STPG2: variants seen among roughly 807,000 people sequenced by gnomAD.
STPG2 encodes sperm tail PG-rich repeat containing 2.
Under a neutral mutation model 54.2 loss-of-function variants are expected in STPG2, and 56 were observed. That is an observed-to-expected ratio of 1.03 (90% CI 0.83 to 1.29). The LOEUF is 1.29. STPG2 is among the 50% of genes most tolerant of loss of function. STPG2 has a pLI of 0.00. For synonymous variants in STPG2, 200 were observed against 181.8 expected (o/e 1.10, Z -0.81); for missense variants, 596 against 544.9 (o/e 1.09, Z -0.93).
At chr4:98,012,605 T>C (rs1735794200) in intron 5 of STPG2, among the ~76,000 whole-genome samples, 1 of 152,218 alleles carries the variant, frequency 6.6e-6, no homozygotes, top group Non-Finnish European at 1.5e-5. Flanking sequence ...TTCCATTTGT[T>C]TGTGTCCTCT....
intron 9 of STPG2, among the ~76,000 whole-genome samples, chr4:97,755,452 T>G (rs1427914203): frequency 6.6e-6 from 1 of 152,178 alleles, no homozygotes; most frequent in South Asian, 2.1e-4. Context: ...TTACCTTTAA[T>G]TACACTCACA....
chr4:98,111,767 TCACCCAATGTCGTGGG>T, intron 3 of STPG2, among the ~76,000 whole-genome samples: 1 of 152,232 alleles, frequency 6.6e-6, no homozygotes, highest in South Asian at 2.1e-4. Flanking sequence ...TGAACCATCC[TCACCCAATGTCGTGGG>T]CACCTTTCAA....
intron 4 of STPG2, among the ~76,000 whole-genome samples, chr4:97,480,855 C>T (rs1578331725): frequency 2.0e-5 from 3 of 151,114 alleles, no homozygotes; most frequent in East Asian, 3.9e-4. Flanking sequence ...TTTTTTTTCC[C>T]AGGATAAGGC....
At chr4:97,739,637 A>T (rs930730350) in intron 9 of STPG2, among the ~76,000 whole-genome samples, 1 of 152,226 alleles carries the variant, frequency 6.6e-6, no homozygotes, top group African/African-American at 2.4e-5. Context: ...ATTCCTCGAC[A>T]CATACACCCT....
At chr4:97,937,779 C>T (rs1425857493) in intron 8 of STPG2, among the ~76,000 whole-genome samples, 4 of 152,116 alleles carry the variant, frequency 2.6e-5, no homozygotes, top group East Asian at 3.9e-4. Flanking sequence ...TCTCTGACCT[C>T]GAGGGGCACC....
At chr4:97,852,596 A>G (rs1729196081) in intron 8 of STPG2, among the ~76,000 whole-genome samples, 1 of 152,168 alleles carries the variant, frequency 6.6e-6, no homozygotes, top group Non-Finnish European at 1.5e-5. Context: ...GGTGGGCAGG[A>G]TGATCCAGCC....
intron 8 of STPG2, among the ~76,000 whole-genome samples, chr4:97,876,922 C>A (rs1196930922): frequency 6.6e-6 from 1 of 151,814 alleles, no homozygotes; most frequent in Non-Finnish European, 1.5e-5. Flanking sequence ...TAAGATCTTC[C>A]ATAAAAGATA....
At chr4:97,530,581 T>A (rs1731392943) in intron 4 of STPG2, among the ~76,000 whole-genome samples, 1 of 152,122 alleles carries the variant, frequency 6.6e-6, no homozygotes, top group Non-Finnish European at 1.5e-5. Context: ...CAATATTTTT[T>A]AAAAATCAAA....
chr4:97,740,137 G>C (rs1049802379), intron 9 of STPG2, among the ~76,000 whole-genome samples: 1 of 152,158 alleles, frequency 6.6e-6, no homozygotes, highest in Non-Finnish European at 1.5e-5. Flanking sequence ...AATAGATGCA[G>C]AAAAGGCCTT....
chr4:97,890,453 T>C (rs1258650537), intron 8 of STPG2, among the ~76,000 whole-genome samples: 2 of 151,906 alleles, frequency 1.3e-5, no homozygotes, highest in Non-Finnish European at 2.9e-5. Context: ...AAATGTTGCA[T>C]AAATTTTAAA....
chr4:97,863,494 T>A (rs547362171), intron 8 of STPG2, among the ~76,000 whole-genome samples: 2 of 152,164 alleles, frequency 1.3e-5, no homozygotes, highest in Admixed American at 6.5e-5. Flanking sequence ...ACCAGATGGA[T>A]TCATAGCCGA....
At chr4:97,650,313 G>C (rs1018646400) in intron 10 of STPG2, among the ~76,000 whole-genome samples, 26 of 152,130 alleles carry the variant, frequency 1.7e-4, no homozygotes, top group African/African-American at 6.0e-4. Context: ...TCGATGAAAA[G>C]AGTCAAACTC....
chr4:98,082,391 ACCT>A (rs1459695289), intron 5 of STPG2, among the ~76,000 whole-genome samples: 2 of 138,886 alleles, frequency 1.4e-5, no homozygotes, highest in African/African-American at 5.4e-5. Context: ...AGAAACGTGT[ACCT>A]GGTCGCTTTT....
At chr4:97,461,222 T>A (rs1729653117) in intron 4 of STPG2, among the ~76,000 whole-genome samples, 1 of 152,174 alleles carries the variant, frequency 6.6e-6, no homozygotes, top group African/African-American at 2.4e-5. Context: ...TTTCTCCACA[T>A]CTTTTCCAAC....
chr4:97,639,877 C>A (rs1392728121), intron 10 of STPG2, among the ~76,000 whole-genome samples: 3 of 151,542 alleles, frequency 2.0e-5, no homozygotes, highest in Non-Finnish European at 4.4e-5. Context: ...GTAATGATAA[C>A]AATAATAATG....
At chr4:97,877,752 CT>C (rs1730231674) in intron 8 of STPG2, among the ~76,000 whole-genome samples, 3 of 152,116 alleles carry the variant, frequency 2.0e-5, no homozygotes, top group Admixed American at 6.5e-5. Context: ...CATTCCACCC[CT>C]GGCCCCTCCC....
intron 8 of STPG2, among the ~76,000 whole-genome samples, chr4:97,849,806 C>T (rs1729092450): frequency 1.3e-5 from 2 of 151,928 alleles, no homozygotes; most frequent in Admixed American, 6.6e-5. Flanking sequence ...AATAGGAACA[C>T]TTTTACACTG....
chr4:98,114,443 T>C (rs544253814), intron 3 of STPG2, among the ~76,000 whole-genome samples: 3 of 152,206 alleles, frequency 2.0e-5, no homozygotes, highest in Admixed American at 6.6e-5. Context: ...ACATATCTAA[T>C]ATGTTGATTT....
intron 10 of STPG2, among the ~76,000 whole-genome samples, chr4:97,604,501 C>T (rs754941511): frequency 6.6e-6 from 1 of 151,468 alleles, no homozygotes; most frequent in African/African-American, 2.4e-5. Flanking sequence ...GACAGGATGC[C>T]CCTCTTGAGC....
Sources: allele counts gnomAD v4.1 joint callset (sites outside exome capture counted in the v4.1 genomes callset), GRCh38; gene constraint gnomAD v4.1.1; transcripts MANE v1.5; gene names NCBI Gene and HGNC (gene_info 2026-07-23, HGNC 2026-07-21).